LARGE1: variants seen among roughly 807,000 people sequenced by gnomAD.
LARGE1 encodes the protein xylosyl- and glucuronyltransferase LARGE1.
In LARGE1, 43 loss-of-function variants were observed where a neutral mutation model predicts 87.6. The observed-to-expected ratio is 0.49, with a 90% CI of 0.38 to 0.63. The LOEUF (loss-of-function observed/expected upper bound fraction) is 0.63, where lower values mean the gene tolerates loss of function less well. Ranked by LOEUF, LARGE1 falls within the 30% of genes least tolerant of loss-of-function variation. LARGE1 has a pLI of 0.00. For missense variants in LARGE1, 802 were observed against 1,000.2 expected (o/e 0.80, Z 2.67); for synonymous variants, 434 against 394.6 (o/e 1.10, Z -1.18).
chr22:33,872,574 G>C (rs1432765826), intron 1 of LARGE1, among the ~76,000 whole-genome samples: 2 of 152,004 alleles, frequency 1.3e-5, no homozygotes, highest in Non-Finnish European at 2.9e-5. Flanking sequence ...CCTTGAACCT[G>C]AGTTTCTACA....
At chr22:33,896,347 G>A (rs1210947107) in intron 1 of LARGE1, among the ~76,000 whole-genome samples, 2 of 152,162 alleles carry the variant, frequency 1.3e-5, no homozygotes, top group East Asian at 1.9e-4. Flanking sequence ...GAACACCTGG[G>A]TGGCTTCCAC....
the LARGE1 span, among the ~76,000 whole-genome samples, chr22:33,149,621 T>C: frequency 1.3e-5 from 2 of 152,330 alleles, no homozygotes; most frequent in East Asian, 3.9e-4. Flanking sequence ...TCAAAAGTCC[T>C]GATGAGTTTA....
chr22:33,898,785 C>T (rs2065212079), intron 1 of LARGE1, among the ~76,000 whole-genome samples: 1 of 152,180 alleles, frequency 6.6e-6, no homozygotes, highest in Admixed American at 6.5e-5. Flanking sequence ...AAAGATTCTT[C>T]TTAAGATAAA....
At chr22:33,410,280 G>A (rs1195691813) in intron 7 of LARGE1, among the ~76,000 whole-genome samples, 25 of 152,072 alleles carry the variant, frequency 1.6e-4, no homozygotes. Flanking sequence ...TATAGACTGG[G>A]GAGGGAGCTA....
At chr22:33,313,004 C>A (rs1481480027) in intron 11 of LARGE1, among the ~76,000 whole-genome samples, 1 of 152,082 alleles carries the variant, frequency 6.6e-6, no homozygotes, top group Non-Finnish European at 1.5e-5. Flanking sequence ...CTCTGGGACA[C>A]CAGTTGGGTG....
intron 11 of LARGE1, among the ~76,000 whole-genome samples, chr22:33,216,731 T>C (rs1170313584): frequency 6.6e-6 from 1 of 150,846 alleles, no homozygotes; most frequent in Non-Finnish European, 1.5e-5. Context: ...AGTGATACTC[T>C]CTTGAGATAC....
At chr22:33,581,546 G>C (rs1190994239) in intron 5 of LARGE1, among the ~76,000 whole-genome samples, 5 of 152,090 alleles carry the variant, frequency 3.3e-5, no homozygotes, top group Non-Finnish European at 1.5e-5. Context: ...GGGCACGGTG[G>C]CTCAAATCTG....
chr22:33,809,932 A>C (rs2086440561), intron 1 of LARGE1, among the ~76,000 whole-genome samples: 2 of 152,190 alleles, frequency 1.3e-5, no homozygotes, highest in African/African-American at 4.8e-5. Context: ...AGATGTAATA[A>C]AGATTTTACA....
chr22:33,545,445 C>CACACACACACACAT (rs1210215925), intron 6 of LARGE1, among the ~76,000 whole-genome samples: 1 of 125,654 alleles, frequency 8.0e-6, no homozygotes, highest in Non-Finnish European at 1.8e-5. Context: ...CACACACACA[C>CACACACACACACAT]ACACAATTTC....
chr22:33,842,391 G>A (rs959528767), intron 1 of LARGE1, among the ~76,000 whole-genome samples: 1 of 150,712 alleles, frequency 6.6e-6, no homozygotes, highest in Non-Finnish European at 1.5e-5. Context: ...CTGGCTTAGA[G>A]GGGAAATAAC....
chr22:33,274,472 G>A lies in LARGE1; in HGVS notation c.2226C>T (p.Tyr742=), dbSNP rs777773303. Residue 742 remains tyrosine, a synonymous_variant, in exon 15 of 15, where the codon TAC becomes TAT. Coordinates refer to ENST00000397394, the MANE Select transcript of LARGE1 (RefSeq NM_133642.5). ...EEFQQDMSRR[Y]GFAALKYLTA... is the part of the protein sequence containing the mutation. ...TGAGATATTTCAGGGCAGCAAAGCC[G>A]TAGCGGCGGGACATGTCCTGCTGAA... 3.2e-5 allele frequency: 51 copies of A among 1,614,078 alleles called. No homozygotes were observed. Among genetic ancestry groups the A allele is most frequent in the Middle Eastern group, 1.6e-4 (1 of 6,084 alleles).
At chr22:33,161,116 G>A (rs2146115201), downstream of LARGE1, among the ~76,000 whole-genome samples, 1 of 152,288 alleles carries the variant, frequency 6.6e-6, no homozygotes, top group East Asian at 1.9e-4. Flanking sequence ...TGGCAGGAGA[G>A]AGAAATGCCG....
chr22:33,606,017 A>G (rs1314535307), intron 4 of LARGE1, among the ~76,000 whole-genome samples: 1 of 152,170 alleles, frequency 6.6e-6, no homozygotes, highest in African/African-American at 2.4e-5. Context: ...GGCTGGGCCC[A>G]GGGTGTATTA....
At chr22:33,444,132 G>A (rs1458280646) in intron 6 of LARGE1, among the ~76,000 whole-genome samples, 7 of 152,204 alleles carry the variant, frequency 4.6e-5, no homozygotes, top group Non-Finnish European at 1.5e-5. Flanking sequence ...TGTAGGATAA[G>A]GCCAACATTT....
intron 11 of LARGE1, among the ~76,000 whole-genome samples, chr22:33,216,493 G>A (rs1308630552): frequency 6.6e-6 from 1 of 151,996 alleles, no homozygotes; most frequent in Admixed American, 6.6e-5. Flanking sequence ...GCCAGGCTTG[G>A]TGGCGGGTGC....
chr22:33,560,120 T>C (rs541168166), intron 6 of LARGE1, among the ~76,000 whole-genome samples: 1 of 152,268 alleles, frequency 6.6e-6, no homozygotes, highest in African/African-American at 2.4e-5. Flanking sequence ...GTTTCATGAC[T>C]TAAGAAATGT....
At chr22:33,472,885 A>G (rs1039715163) in intron 6 of LARGE1, among the ~76,000 whole-genome samples, 5 of 152,212 alleles carry the variant, frequency 3.3e-5, no homozygotes, top group Non-Finnish European at 7.3e-5. Flanking sequence ...CATCTGAGTC[A>G]TCAAACGATG....
chr22:33,922,104 T>C (rs1008949378), upstream of LARGE1, among the ~76,000 whole-genome samples: 8 of 152,150 alleles, frequency 5.3e-5, no homozygotes, highest in African/African-American at 1.9e-4. Context: ...GCCGGGTCTT[T>C]GCCTTCCCTC....
At chr22:33,110,586 A>G in the LARGE1 span, 1 of 152,212 alleles carries the variant, frequency 6.6e-6, no homozygotes, top group Non-Finnish European at 1.5e-5. Flanking sequence ...GATAAAGCCA[A>G]TCCTGAAGCT....
Sources: allele counts gnomAD v4.1 joint callset (sites outside exome capture counted in the v4.1 genomes callset), GRCh38; gene constraint gnomAD v4.1.1; transcripts MANE v1.5; gene names NCBI Gene and HGNC (gene_info 2026-07-23, HGNC 2026-07-21).